The following PAPOLG variants were observed in gnomAD, a reference collection of about 807,000 sequenced individuals.
PAPOLG encodes poly(A) polymerase gamma.
In PAPOLG, 40 loss-of-function variants were observed where a neutral mutation model predicts 99.0. That is an observed-to-expected ratio of 0.40 (90% confidence interval 0.31 to 0.53). The LOEUF (loss-of-function observed/expected upper bound fraction) is 0.53, where lower values mean the gene tolerates loss of function less well. PAPOLG is among the 20% of genes least tolerant of loss of function. The probability of loss-of-function intolerance (pLI) is 0.41; values close to 1 mark genes in which losing one functional copy is unlikely to be tolerated. For synonymous variants in PAPOLG, 310 were observed against 299.3 expected (o/e 1.04, Z -0.37); for missense variants, 675 against 884.1 (o/e 0.76, Z 3.00).
rs1056587214 is a variant in PAPOLG at position 60,781,800 on chromosome 2, T to C, written c.907-85T>C. On this transcript the variant is annotated intron_variant, in intron 10 of 21. Transcript: ENST00000238714. ...GGAAATGTAGTATTAAATTTATATT[T>C]CATATTCTTCAGACTTTTGGGGAAA... 13 of 1,550,884 alleles carry C rather than the reference T, an allele frequency of 8.4e-6. No homozygotes were observed. In the African/African-American group the frequency reaches 1.8e-4, roughly 21 times the overall value.
In PAPOLG at chr2:60,792,190, A is replaced by G. The variant is rs748384741; in HGVS notation, c.1580A>G (p.Asp527Gly). ...CTTCAATCCAAAAGATTGTCTCTGG[A>G]TAGCAGTTGTCTGGATAGCTCCAGA... is the stretch of plus-strand genomic sequence containing the variant. Reference protein sequence around the residue: ...GGLQSKRLSLDSSCLDSSRDT... With the variant: ...GGLQSKRLSLGSSCLDSSRDT... The change falls in exon 17 of 22, where the codon GAT becomes GGT. Residue 527 changes from aspartate (D) to glycine (G), a missense_variant. Transcript: ENST00000238714. 4.4e-6 allele frequency: 7 copies of G among 1,606,310 alleles called. No individual in the cohort carries two copies. Among genetic ancestry groups the G allele is most frequent in the South Asian group, 1.1e-5 (1 of 88,756 alleles).
chr2:60,790,192 A>T (rs1039525440), intron 15 of PAPOLG, among the ~76,000 whole-genome samples: 4 of 151,894 alleles, frequency 2.6e-5, no homozygotes, highest in African/African-American at 9.7e-5. Context: ...TTAAACAAGC[A>T]CTCCTGGTAA....
At position 60,783,180 on chromosome 2, in the gene PAPOLG, C is replaced by A; in HGVS notation, c.1137C>A (p.Ser379Arg). Reference sequence around the variant, plus strand: ...GACATTATATAGTATTGACTGCCAGCGCATCAACAGAAGAAAACCATCTAG... The same window carrying A: ...GACATTATATAGTATTGACTGCCAGAGCATCAACAGAAGAAAACCATCTAG... The part of the protein sequence containing the change: ...KYRHYIVLTA[S>R]ASTEENHLEW... Residue 379 changes from serine to arginine, a missense_variant, in exon 13 of 22, where the codon AGC becomes AGA. By Grantham distance (110) the Ser-to-Arg change is moderately radical (BLOSUM62 -1). Transcript: ENST00000238714. The A allele has an allele frequency of 6.3e-7, 1 of 1,590,742 alleles. No individual in the cohort carries two copies. Among genetic ancestry groups the A allele is most frequent in the Non-Finnish European group, 8.6e-7 (1 of 1,169,478 alleles).
chr2:60,779,443 G>A, intron 8 of PAPOLG, 194 bp from the exon 9 acceptor site: 1 of 534,304 alleles, frequency 1.9e-6, no homozygotes, highest in Non-Finnish European at 3.2e-6. Context: ...ATTAGACTGT[G>A]GGCCTAATGT....
intron 5 of PAPOLG, 37 bp downstream of exon 5, chr2:60,768,927 A>G (rs1326504590): frequency 7.0e-7 from 1 of 1,434,864 alleles, no homozygotes; most frequent in Non-Finnish European, 9.5e-7. Context: ...TTGAATTTAG[A>G]TTAGTAACAA....
intron 7 of PAPOLG, among the ~76,000 whole-genome samples, chr2:60,771,954 G>A (rs1410303540): frequency 1.3e-5 from 2 of 151,616 alleles, no homozygotes; most frequent in African/African-American, 2.4e-5. Context: ...TAAAAACTGA[G>A]AAATTTAAAA....
At position 60,798,262 on chromosome 2, in the gene PAPOLG, TGTC is replaced by T. The variant is rs1671769592; in HGVS notation, c.*1103_*1105del. ...GTAATTTTTATTTAACTATATGAGT[TGTC>T]TTTTTTTACGCTGCTTTTTTCAATG... On this transcript the variant is annotated 3_prime_UTR_variant, in exon 22 of 22. Transcript: ENST00000238714. The T allele has an allele frequency of 6.5e-6, 1 of 152,804 alleles. No homozygotes were observed. Among genetic ancestry groups the T allele is most frequent in the African/African-American group, 2.4e-5 (1 of 41,456 alleles). 9.5% of individuals were successfully genotyped at this position (152,804 alleles called of 1,614,324 possible). A position where few individuals can be genotyped will look rare whatever the true frequency, so the allele number is the denominator to read the frequency against.
At chr2:60,781,770 C>T in intron 10 of PAPOLG, 115 bp from the exon 11 acceptor site, 1 of 1,399,122 alleles carries the variant, frequency 7.1e-7, no homozygotes, top group South Asian at 1.4e-5. Context: ...ACTTCTTAAA[C>T]TTGAGGAAAT....
chr2:60,779,396 A>G (rs1671123711), intron 8 of PAPOLG, among the ~76,000 whole-genome samples: 1 of 152,174 alleles, frequency 6.6e-6, no homozygotes, highest in Admixed American at 6.6e-5. Context: ...TAGAAGGGAA[A>G]GTAAGGAGGG....
intron 7 of PAPOLG, 54 bp downstream of exon 7, chr2:60,771,684 A>G: frequency 1.3e-6 from 2 of 1,557,844 alleles, no homozygotes; most frequent in Non-Finnish European, 1.7e-6. Flanking sequence ...TTAGAGAAAT[A>G]TAGATATTTT....
chr2:60,795,163 G>T, intron 21 of PAPOLG, 143 bp downstream of exon 21: 2 of 713,882 alleles, frequency 2.8e-6, no homozygotes, highest in East Asian at 2.6e-5. Flanking sequence ...AGTGTAGTTG[G>T]GGTTGGAGAT....
In PAPOLG at chr2:60,786,849, T is replaced by C. The variant is rs747518611; in HGVS notation, c.1167-98T>C. 1.5e-5 allele frequency: 21 copies of C among 1,440,296 alleles called. No homozygotes were observed. In the Middle Eastern group the frequency reaches 1.4e-3, roughly 94 times the overall value. The allele number at this position is 1,440,296 out of a possible 1,614,324, so 89.2% of individuals were successfully genotyped here. On this transcript the variant is annotated intron_variant, in intron 13 of 21. Transcript: ENST00000238714. ...CCAGCCCGAAGTTTTTTAATGAACA[T>C]GTAAAGCTTCGTAGTTAATATGCTG...
intron 8 of PAPOLG, among the ~76,000 whole-genome samples, chr2:60,778,069 C>A (rs1671074422): frequency 6.6e-6 from 1 of 152,172 alleles, no homozygotes; most frequent in African/African-American, 2.4e-5. Context: ...TGCCGCAAAC[C>A]TTCAGTTTGT....
intron 1 of PAPOLG, among the ~76,000 whole-genome samples, chr2:60,758,848 T>A (rs1670437799): frequency 6.6e-6 from 1 of 152,246 alleles, no homozygotes; most frequent in Non-Finnish European, 1.5e-5. Context: ...TATGTTATTT[T>A]TTACAGGGCT....
chr2:60,780,747 A>T lies in PAPOLG; in HGVS notation c.874A>T (p.Ser292Cys), dbSNP rs1453545849. ...NPVLLKQPEE[S>C]NLNLPVWDPR... ...TGTGCTGCTGAAGCAACCAGAAGAA[A>T]GCAATTTGAATTTGCCTGTCTGGGA... The change falls in exon 10 of 22, where the codon AGC (serine) becomes TGC (cysteine). Residue 292 changes from serine (S) to cysteine (C), a missense_variant. Around this residue, in one of 3 missense-constraint regions of PAPOLG, gnomAD observed 113 missense variants for 231.5 expected, o/e 0.49. Coordinates refer to ENST00000238714, the MANE Select transcript of PAPOLG (RefSeq NM_022894.4). 1 of 1,614,004 alleles carries T rather than the reference A, an allele frequency of 6.2e-7. No homozygotes were observed. Among genetic ancestry groups the T allele is most frequent in the South Asian group, 1.1e-5 (1 of 91,092 alleles).
At chr2:60,763,067 A>G (rs1670570301) in intron 3 of PAPOLG, among the ~76,000 whole-genome samples, 1 of 141,424 alleles carries the variant, frequency 7.1e-6, no homozygotes, top group Non-Finnish European at 1.5e-5. Flanking sequence ...ACGCCCAACC[A>G]TAAATTTTAT....
At chr2:60,779,107 A>G (rs1558698026) in intron 8 of PAPOLG, among the ~76,000 whole-genome samples, 2 of 152,124 alleles carry the variant, frequency 1.3e-5, no homozygotes, top group African/African-American at 4.8e-5. Context: ...AAAAAAAAAA[A>G]TAGAAATGAA....
Position 60,768,491 on chromosome 2 carries a change from GCTA to G in PAPOLG, c.271_273del (p.Thr91del). 6.2e-7 allele frequency: 1 copy of G among 1,613,944 alleles called. No individual in the cohort carries two copies. Among genetic ancestry groups the G allele is most frequent in the Non-Finnish European group, 8.5e-7 (1 of 1,179,882 alleles). ...TTAGAACCTCCCACCTTCTGTTGTG[GCTA>G]CTGTTGGTGGTAAAATTTTCACATT... On this transcript the variant is annotated inframe_deletion, in exon 4 of 22. Transcript: ENST00000238714.
At chr2:60,795,562 A>C (rs138278532) in intron 21 of PAPOLG, among the ~76,000 whole-genome samples, 62 of 151,978 alleles carry the variant, frequency 4.1e-4, no homozygotes, top group African/African-American at 1.4e-3. Flanking sequence ...GCTAAAAAGC[A>C]AGTACTCAAA....
Sources: gnomAD v4.1 joint callset for allele counts (sites outside exome capture counted in the v4.1 genomes callset) on GRCh38, gnomAD v4.1.1 for gene constraint, gnomAD v4.1.1 regional missense constraint, MANE v1.5 for transcripts, NCBI Gene and HGNC (gene_info 2026-07-23, HGNC 2026-07-21) for gene names.